Variants in DPP10 observed in about 807,000 individuals in gnomAD.
DPP10 encodes the protein dipeptidyl peptidase like 10, also known as inactive dipeptidyl peptidase 10.
Under a neutral mutation model 120.9 loss-of-function variants are expected in DPP10, and 33 were observed. The ratio of observed to expected loss-of-function variants is 0.27; its 90% CI spans 0.21 to 0.37. The LOEUF (loss-of-function observed/expected upper bound fraction) is 0.37, where lower values mean the gene tolerates loss of function less well. Ranked by LOEUF, DPP10 falls within the 10% of genes least tolerant of loss-of-function variation. The pLI, the probability that DPP10 is intolerant of heterozygous loss-of-function variation, is 1.00. For synonymous variants in DPP10, 337 were observed against 326.1 expected, an observed-to-expected ratio of 1.03 and a Z score of -0.36; for missense variants, 816 against 942.8, an observed-to-expected ratio of 0.87 and a Z score of 1.76.
chr2:114,916,875 A>G (rs1310950723), intron 1 of DPP10, among the ~76,000 whole-genome samples: 3 of 152,206 alleles, frequency 2.0e-5, no homozygotes, highest in Non-Finnish European at 4.4e-5. Flanking sequence ...CTGAGTGGGC[A>G]AAAGTTGGAA....
rs3039998 is a variant in DPP10, at chr2:115,495,365, G to GAAAAAAAAAAAAAAAAAA, written c.272-4142_272-4125dup. Among the ~76,000 whole-genome samples, 11 of 82,234 alleles carry GAAAAAAAAAAAAAAAAAA rather than the reference G, an allele frequency of 1.3e-4. 1 individual carries two copies. The highest frequency in any genetic ancestry group is 5.0e-4 in the African/African-American group (11 of 22,184). 53.9% of individuals were successfully genotyped at this position (82,234 alleles called of 152,430 possible). On this transcript the variant is annotated intron_variant, in intron 3 of 25. Transcript: ENST00000410059. ...AGAAACTAATTTTCAGCCATTTTCTGAAAAAAAAAAAAAAAAAAAAGTTTT... is the reference window on the plus strand; with the variant it reads ...AGAAACTAATTTTCAGCCATTTTCTGAAAAAAAAAAAAAAAAAAAAAAAAAAAAAAAAAAAAAAGTTTT...
chr2:115,747,021 TC>T (rs754008201), intron 10 of DPP10, among the ~76,000 whole-genome samples: 1 of 152,216 alleles, frequency 6.6e-6, no homozygotes, highest in Non-Finnish European at 1.5e-5. Flanking sequence ...AAAAATTTCA[TC>T]CCAGTTGGTC....
intron 1 of DPP10, among the ~76,000 whole-genome samples, chr2:114,663,369 T>C (rs1399186935): frequency 2.0e-5 from 3 of 150,616 alleles, no homozygotes; most frequent in Non-Finnish European, 3.0e-5. Context: ...CTGGCAGTTA[T>C]TGAATAATCC....
chr2:114,845,217 C>A (rs1035789529), intron 1 of DPP10, among the ~76,000 whole-genome samples: 6 of 152,024 alleles, frequency 3.9e-5, no homozygotes, highest in Non-Finnish European at 7.4e-5. Context: ...GGGATGCTAA[C>A]GGATGAGACT....
chr2:114,609,881 T>A (rs1451739317), intron 1 of DPP10, among the ~76,000 whole-genome samples: 1 of 152,188 alleles, frequency 6.6e-6, no homozygotes, highest in African/African-American at 2.4e-5. Context: ...GTCTTTAACC[T>A]GGAAAGCAAC....
At chr2:114,831,217 TA>T (rs1485573142) in intron 1 of DPP10, among the ~76,000 whole-genome samples, 1 of 152,086 alleles carries the variant, frequency 6.6e-6, no homozygotes, top group Non-Finnish European at 1.5e-5. Flanking sequence ...GTTTTTATAC[TA>T]AAAATCTTTC....
intron 1 of DPP10, among the ~76,000 whole-genome samples, chr2:114,533,593 A>T (rs899297231): frequency 6.6e-5 from 10 of 152,124 alleles, no homozygotes; most frequent in African/African-American, 2.4e-4. Flanking sequence ...AAACCTGCAC[A>T]TCCTGCCCAT....
chr2:114,577,178 T>C (rs767344541), intron 1 of DPP10, among the ~76,000 whole-genome samples: 5 of 152,164 alleles, frequency 3.3e-5, no homozygotes, highest in Non-Finnish European at 5.9e-5. Context: ...TAGGAAAAAA[T>C]GTGGATGGTG....
At chr2:114,614,114 A>G (rs1047502364) in intron 1 of DPP10, among the ~76,000 whole-genome samples, 12 of 152,276 alleles carry the variant, frequency 7.9e-5, no homozygotes, top group Admixed American at 5.9e-4. Context: ...CTGCATATGT[A>G]TCCCAGAACT....
At chr2:115,318,535 A>G (rs1394242230) in intron 2 of DPP10, among the ~76,000 whole-genome samples, 2 of 152,122 alleles carry the variant, frequency 1.3e-5, no homozygotes, top group African/African-American at 4.8e-5. Context: ...TAGAAATATT[A>G]GTGTTCCAAC....
At chr2:115,779,529 A>G (rs765028428) in intron 15 of DPP10, among the ~76,000 whole-genome samples, 1 of 152,040 alleles carries the variant, frequency 6.6e-6, no homozygotes, top group Non-Finnish European at 1.5e-5. Flanking sequence ...GCAATCTCAT[A>G]ATCTAAATAA....
intron 3 of DPP10, among the ~76,000 whole-genome samples, chr2:115,449,676 C>CT (rs1465349513): frequency 6.6e-6 from 1 of 152,004 alleles, no homozygotes; most frequent in Non-Finnish European, 1.5e-5. Context: ...TTGACGGAGA[C>CT]TTTGATTGCC....
intron 1 of DPP10, among the ~76,000 whole-genome samples, chr2:114,687,478 A>G (rs1217748513): frequency 1.3e-5 from 2 of 151,932 alleles, no homozygotes; most frequent in African/African-American, 4.8e-5. Context: ...TTTAAAAATC[A>G]AACAACCAGA....
intron 21 of DPP10, among the ~76,000 whole-genome samples, chr2:115,827,414 G>GTGTATA (rs1271865370): frequency 9.9e-4 from 75 of 75,432 alleles, no homozygotes; most frequent in Non-Finnish European, 1.2e-3. Flanking sequence ...ATGTGTGTGT[G>GTGTATA]TATATATATA....
chr2:115,040,148 A>T (rs1704527410), intron 1 of DPP10, among the ~76,000 whole-genome samples: 1 of 152,130 alleles, frequency 6.6e-6, no homozygotes, highest in African/African-American at 2.4e-5. Flanking sequence ...CCGTTCAAAG[A>T]CTGTGTAAAT....
At chr2:115,646,036 T>C (rs920593412) in intron 5 of DPP10, among the ~76,000 whole-genome samples, 3 of 152,164 alleles carry the variant, frequency 2.0e-5, no homozygotes, top group Non-Finnish European at 4.4e-5. Context: ...GATACACATA[T>C]ATATTTCACT....
chr2:115,377,459 G>A (rs1343861903), intron 3 of DPP10, among the ~76,000 whole-genome samples: 1 of 152,194 alleles, frequency 6.6e-6, no homozygotes, highest in African/African-American at 2.4e-5. Context: ...TTAACCCTTT[G>A]TCAGATGAGT....
intron 5 of DPP10, among the ~76,000 whole-genome samples, chr2:115,571,635 C>T (rs1163402622): frequency 2.7e-5 from 4 of 150,916 alleles, no homozygotes; most frequent in Non-Finnish European, 5.9e-5. Flanking sequence ...ATGACAAGGA[C>T]CTATCTAAGA....
At chr2:115,811,444 C>T (rs1686630540) in intron 19 of DPP10, among the ~76,000 whole-genome samples, 1 of 152,150 alleles carries the variant, frequency 6.6e-6, no homozygotes, top group Admixed American at 6.5e-5. Flanking sequence ...TTGCCATTTA[C>T]TAATTGTGAG....
Sources: gnomAD v4.1 joint callset for allele counts (sites outside exome capture counted in the v4.1 genomes callset) on GRCh38, gnomAD v4.1.1 for gene constraint, MANE v1.5 for transcripts, NCBI Gene and HGNC (gene_info 2026-07-23, HGNC 2026-07-21) for gene names.